The following SLC22A8 variants were observed in gnomAD, a reference collection of about 807,000 sequenced individuals.
SLC22A8 encodes the protein organic anion transporter 3.
A neutral mutation model predicts 48.4 loss-of-function variants in SLC22A8; 40 were observed. That is an observed-to-expected ratio of 0.83 (90% CI 0.64 to 1.08). SLC22A8 has a LOEUF of 1.08. Ranked by LOEUF, SLC22A8 falls within the 50% of genes least tolerant of loss-of-function variation. The probability of loss-of-function intolerance (pLI) is 0.00; values close to 1 mark genes in which losing one functional copy is unlikely to be tolerated. For missense variants in SLC22A8, 606 were observed against 699.0 expected (o/e 0.87, Z 1.50); for synonymous variants, 268 against 286.3 (o/e 0.94, Z 0.65).
At chr11:63,002,398 A>C (rs1400249688) in intron 2 of SLC22A8, among the ~76,000 whole-genome samples, 1 of 152,162 alleles carries the variant, frequency 6.6e-6, no homozygotes. Context: ...TCACCCTTCT[A>C]GTTATGGTGA....
intron 2 of SLC22A8, among the ~76,000 whole-genome samples, chr11:63,010,682 C>A (rs2086608998): frequency 6.6e-6 from 1 of 152,300 alleles, no homozygotes; most frequent in East Asian, 1.9e-4. Context: ...CTGATGAATG[C>A]CTGGGCCAGA....
chr11:62,993,135 C>G lies in SLC22A8; in HGVS notation c.*102G>C. ...ACACCTTCACCAAGCTCTCAGAAGG[C>G]TTCATCCTAGGAGGATGGACCTATA... On this transcript the variant is annotated 3_prime_UTR_variant, in exon 11 of 11. Coordinates refer to ENST00000336232, the MANE Select transcript of SLC22A8 (RefSeq NM_004254.4). 1.2e-6 allele frequency: 1 copy of G among 818,748 alleles called. No homozygotes were observed. Among genetic ancestry groups the G allele is most frequent in the Non-Finnish European group, 1.9e-6 (1 of 518,240 alleles). 50.7% of individuals were successfully genotyped at this position (818,748 alleles called of 1,614,324 possible).
At chr11:62,999,972 C>T in intron 3 of SLC22A8, 130 bp from the exon 4 acceptor site, 4 of 682,860 alleles carry the variant, frequency 5.9e-6, no homozygotes, top group South Asian at 3.8e-5. Flanking sequence ...ATAAAGCTCC[C>T]TCCCCAGACA....
chr11:62,997,462 G>T (rs1267616413), intron 5 of SLC22A8, among the ~76,000 whole-genome samples: 1 of 152,024 alleles, frequency 6.6e-6, no homozygotes, highest in East Asian at 1.9e-4. Flanking sequence ...CTGACCCCGC[G>T]ATCCGCCCCT....
At chr11:63,000,845 C>T in intron 2 of SLC22A8, 22 bp from the exon 3 acceptor site, 1 of 1,577,376 alleles carries the variant, frequency 6.3e-7, no homozygotes, top group Non-Finnish European at 8.7e-7. Context: ...AAAGGTAGGG[C>T]TAGCCTAACT....
At chr11:62,995,157 G>C (rs1340297560) in intron 7 of SLC22A8, 1 of 303,900 alleles carries the variant, frequency 3.3e-6, no homozygotes, top group Middle Eastern at 1.1e-3. Context: ...TCCTCTCTCT[G>C]AACTGTGGGA....
rs762798304 is a variant in SLC22A8 at position 63,000,794 on chromosome 11, CAGTTTGTTGG to C, written c.353_362del (p.Ser118Ter). 6.2e-7 allele frequency: 1 copy of C among 1,614,118 alleles called. No homozygotes were observed. Among genetic ancestry groups the C allele is most frequent in the Non-Finnish European group, 8.5e-7 (1 of 1,179,962 alleles). The stretch of plus-strand genomic sequence containing the variant: ...TGAAGATAGACTGGGCCATCTCCTT[CAGTTTGTTGG>C]AGTTGCACACCAAGTCCCACTGCAC... On this transcript the variant is annotated frameshift_variant, in exon 3 of 11. Coordinates refer to ENST00000336232, the MANE Select transcript of SLC22A8 (RefSeq NM_004254.4). LOFTEE classifies it high-confidence loss of function.
intron 5 of SLC22A8, among the ~76,000 whole-genome samples, chr11:62,997,283 G>C (rs2086433349): frequency 6.6e-6 from 1 of 152,096 alleles, no homozygotes; most frequent in Non-Finnish European, 1.5e-5. Context: ...GGAGTGCAAT[G>C]GCATGATCTC....
rs144140450 is a variant in SLC22A8 at position 62,993,592 on chromosome 11, C to T, written c.1361G>A (p.Arg454His). ...CAGCGGGGACACCATGCTTCCCACG[C>T]GGGTCCACAGGTTACTTACGCCCAT... ...TGMGVSNLWT[R>H]VGSMVSPLVK... The change falls in exon 10 of 11, where the codon CGC becomes CAC. Residue 454 changes from arginine to histidine, a missense_variant. Physicochemically the swap from Arg to His is conservative, Grantham distance 29. Coordinates refer to ENST00000336232, the MANE Select transcript of SLC22A8 (RefSeq NM_004254.4). 9.8e-5 allele frequency: 158 copies of T among 1,612,628 alleles called. No homozygotes were observed. Among genetic ancestry groups the T allele is most frequent in the Admixed American group, 1.0e-4 (6 of 59,966 alleles).
At chr11:63,007,732 C>A (rs889235310) in intron 2 of SLC22A8, among the ~76,000 whole-genome samples, 1 of 152,168 alleles carries the variant, frequency 6.6e-6, no homozygotes, top group Non-Finnish European at 1.5e-5. Flanking sequence ...CCATGCCTTT[C>A]TGTATGGGCT....
Position 63,014,759 on chromosome 11 carries a change from T to C in SLC22A8, c.200A>G (p.Asn67Ser), listed in dbSNP as rs778470060. The change falls in exon 2 of 11, where the codon AAT (asparagine) becomes AGT (serine). Residue 67 changes from asparagine to serine, a missense_variant. Transcript: ENST00000336232. The part of the protein sequence containing the change: ...TGPWVLPMGP[N>S]GKPERCLRFV... ...ACGGAGGCACCTCTCAGGCTTCCCA[T>C]TTGGGCCCATGGGGAGCACCCAAGG... 3 of 1,613,888 alleles carry C rather than the reference T, an allele frequency of 1.9e-6. No individual in the cohort carries two copies. Among genetic ancestry groups the C allele is most frequent in the Middle Eastern group, 1.6e-4 (1 of 6,082 alleles).
chr11:63,003,916 G>A (rs11231299), intron 2 of SLC22A8, among the ~76,000 whole-genome samples: 23,445 of 152,132 alleles, frequency 0.15, 2,148 homozygotes, highest in East Asian at 0.3. Flanking sequence ...TGTTACATGA[G>A]AAAGAGAAAC....
intron 7 of SLC22A8, 66 bp from the exon 8 acceptor site, chr11:62,994,822 T>C (rs2086395816): frequency 4.9e-6 from 6 of 1,218,768 alleles, no homozygotes; most frequent in Admixed American, 3.4e-5. Flanking sequence ...ATGCTGGTCA[T>C]TGGGTCACCA....
chr11:62,995,623 C>T (rs2086406966), intron 7 of SLC22A8, 81 bp downstream of exon 7: 1 of 971,898 alleles, frequency 1.0e-6, no homozygotes, highest in South Asian at 1.4e-5. Flanking sequence ...ATGCCCTAGG[C>T]CTTGCCCTTA....
At chr11:62,997,352 G>C (rs1460267789) in intron 5 of SLC22A8, among the ~76,000 whole-genome samples, 1 of 152,108 alleles carries the variant, frequency 6.6e-6, no homozygotes, top group Admixed American at 6.5e-5. Context: ...AGCCTCCCAA[G>C]TAGCTGGGAT....
Position 62,995,741 on chromosome 11 carries a change from T to C in SLC22A8, c.964A>G (p.Met322Val). Residue 322 changes from methionine to valine, a missense_variant, in exon 7 of 11, where the codon ATG becomes GTG. Met to Val is a conservative substitution (Grantham distance 21). Coordinates refer to ENST00000336232, the MANE Select transcript of SLC22A8 (RefSeq NM_004254.4). ...AGACAGAAGGTCATGCGGCGCAGCATGGGTATCCGGAACAGGTCACTTGCG... is the reference window on the plus strand; with the variant it reads ...AGACAGAAGGTCATGCGGCGCAGCACGGGTATCCGGAACAGGTCACTTGCG... ...YTASDLFRIP[M>V]LRRMTFCLSL... is the part of the protein sequence containing the mutation. 1 of 1,614,044 alleles carries C rather than the reference T, an allele frequency of 6.2e-7. No individual in the cohort carries two copies. Among genetic ancestry groups the C allele is most frequent in the South Asian group, 1.1e-5 (1 of 91,070 alleles).
In SLC22A8 at chr11:63,011,497, C is replaced by T. The variant is rs117902974; in HGVS notation, c.333+3129G>A. 2.8e-3 allele frequency among the ~76,000 whole-genome samples: 425 copies of T among 152,170 alleles called. 3 individuals carry two copies. The highest frequency in any genetic ancestry group is 6.2e-3 in the Admixed American group (95 of 15,294). ...TTTGTCTTCCCAGGTCTCAGGTGCA[C>T]GGCAAGTCACCTGTACATTTGGAAA... On this transcript the variant is annotated intron_variant, in intron 2 of 10. Transcript: ENST00000336232.
At position 62,993,300 on chromosome 11, in the gene SLC22A8, C is replaced by T; in HGVS notation, c.1566G>A (p.Glu522=). ...GGATCCTCTGGGAGGCCTTTTCCAC[C>T]TCTGGCTCCTGCTTTGGCTTCTTTG... ...LRAKKPKQEP[E]VEKASQRIPL... The change falls in exon 11 of 11, where the codon GAG becomes GAA. Residue 522 remains glutamate (E), a synonymous_variant. Coordinates refer to ENST00000336232, the MANE Select transcript of SLC22A8 (RefSeq NM_004254.4). 1 of 1,613,880 alleles carries T rather than the reference C, an allele frequency of 6.2e-7. No homozygotes were observed. Among genetic ancestry groups the T allele is most frequent in the Non-Finnish European group, 8.5e-7 (1 of 1,179,964 alleles).
At chr11:63,001,145 C>CCT in intron 2 of SLC22A8, 1 of 377,150 alleles carries the variant, frequency 2.7e-6, no homozygotes, top group South Asian at 2.4e-5. Context: ...CCTCCCTGCC[C>CCT]CTCACATAGC....
Sources: allele counts gnomAD v4.1 joint callset (sites outside exome capture counted in the v4.1 genomes callset), GRCh38; gene constraint gnomAD v4.1.1; transcripts MANE v1.5; gene names NCBI Gene and HGNC (gene_info 2026-07-23, HGNC 2026-07-21).